Variants in EBF4 observed in about 807,000 individuals in gnomAD.
EBF4 encodes the protein transcription factor COE4.
In EBF4, 34 loss-of-function variants were observed where a neutral mutation model predicts 67.1. The ratio of observed to expected loss-of-function variants is 0.51; its 90% CI spans 0.39 to 0.67. The LOEUF (loss-of-function observed/expected upper bound fraction) is 0.67. EBF4 is among the 30% of genes least tolerant of loss of function. The pLI, the probability that EBF4 is intolerant of heterozygous loss-of-function variation, is 0.00. For synonymous variants in EBF4, 387 were observed against 377.7 expected (o/e 1.02, Z -0.29); for missense variants, 837 against 873.3 (o/e 0.96, Z 0.52).
In EBF4 at chr20:2,751,618, C is replaced by T; in HGVS notation, c.1019-82C>T. The stretch of plus-strand genomic sequence containing the variant: ...GCGAGGCTCTCGGACTGGGCGCTGG[C>T]CTGCTTTTGGCGCCCTGCGTCTCAC... On this transcript the variant is annotated intron_variant, in intron 10 of 16. Coordinates refer to ENST00000609451, the Ensembl canonical transcript of EBF4. The surrounding 1 kb of genome is among the most constrained non-coding windows in gnomAD (Gnocchi z 5.2). 1 of 1,426,190 alleles carries T rather than the reference C, an allele frequency of 7.0e-7. No individual in the cohort carries two copies. Among genetic ancestry groups the T allele is most frequent in the South Asian group, 1.2e-5 (1 of 81,370 alleles). 88.3% of individuals were successfully genotyped at this position (1,426,190 alleles called of 1,614,324 possible).
intron 6 of EBF4, among the ~76,000 whole-genome samples, chr20:2,724,711 C>T (rs1414164626): frequency 6.6e-6 from 1 of 152,080 alleles, no homozygotes; most frequent in Non-Finnish European, 1.5e-5. Flanking sequence ...TTGAGACCAG[C>T]CTGTGCAACA....
chr20:2,750,458 CCAGGGCGAGCAGTGAACA>C (rs1399193839), intron 10 of EBF4, among the ~76,000 whole-genome samples: 4 of 152,232 alleles, frequency 2.6e-5, no homozygotes, highest in African/African-American at 4.8e-5. Flanking sequence ...TTGCACGACG[CCAGGGCGAGCAGTGAACA>C]CACGTGGAGA....
At chr20:2,758,466 G>C (rs1187542418) in intron 15 of EBF4, among the ~76,000 whole-genome samples, 1 of 152,188 alleles carries the variant, frequency 6.6e-6, no homozygotes, top group Non-Finnish European at 1.5e-5. Context: ...CCAGCAAAGA[G>C]AACCATGGGA....
At position 2,751,868 on chromosome 20, in the gene EBF4, T is replaced by TGGTCGCCCCCAGGGGCTGCCCCTC. The variant is rs879438689; in HGVS notation, c.1108-53_1108-30dup. 6,523 of 1,547,696 alleles carry TGGTCGCCCCCAGGGGCTGCCCCTC rather than the reference T, an allele frequency of 4.2e-3. 51 individuals are homozygous for TGGTCGCCCCCAGGGGCTGCCCCTC. The highest frequency in any genetic ancestry group is 4.8e-3 in the Non-Finnish European group (5,474 of 1,145,550). ...TGAGGAGGGGCTCCCGAGGGCCCCT[T>TGGTCGCCCCCAGGGGCTGCCCCTC]GGTCGCCCCCAGGGGCTGCCCCTCC... On this transcript the variant is annotated intron_variant, in intron 11 of 16. Coordinates refer to ENST00000609451, the Ensembl canonical transcript of EBF4. The surrounding 1 kb of genome is among the most constrained non-coding windows in gnomAD (Gnocchi z 5.2).
chr20:2,751,073 GCA>G lies in EBF4; in HGVS notation c.1019-626_1019-625del, dbSNP rs1201214371. On this transcript the variant is annotated intron_variant, in intron 10 of 16. Coordinates refer to ENST00000609451, the Ensembl canonical transcript of EBF4. This position sits in a 1 kb window ranked among gnomAD's most constrained non-coding sequence, Gnocchi z 5.2. ...GGGCGTGGGGAGCTGGGTCAGACGC[GCA>G]TACACACACACACCCCTTGCACAAC... 1.3e-5 allele frequency among the ~76,000 whole-genome samples: 2 copies of G among 151,956 alleles called. No individual in the cohort carries two copies. The highest frequency in any genetic ancestry group is 2.9e-5 in the Non-Finnish European group (2 of 67,980).
chr20:2,713,273 A>G (rs1442759382), intron 6 of EBF4, among the ~76,000 whole-genome samples: 2 of 152,206 alleles, frequency 1.3e-5, no homozygotes, highest in Non-Finnish European at 2.9e-5. Context: ...CTGGGAGCAT[A>G]GACAGTTCAT....
At chr20:2,711,937 C>T (rs1479795935) in intron 6 of EBF4, among the ~76,000 whole-genome samples, 10 of 152,010 alleles carry the variant, frequency 6.6e-5, no homozygotes, top group African/African-American at 1.9e-4. Context: ...AGAGAGTGAG[C>T]GATGTATTTA....
intron 1 of EBF4, among the ~76,000 whole-genome samples, chr20:2,695,657 A>G (rs1224395430): frequency 6.7e-6 from 1 of 150,218 alleles, no homozygotes; most frequent in African/African-American, 2.5e-5. Context: ...CTTCCTCCCC[A>G]CTCTTCCCCG....
At chr20:2,712,891 A>G (rs2087562073) in intron 6 of EBF4, among the ~76,000 whole-genome samples, 1 of 152,180 alleles carries the variant, frequency 6.6e-6, no homozygotes, top group African/African-American at 2.4e-5. Context: ...ATGATAACAA[A>G]GACTAGGGAC....
intron 14 of EBF4, among the ~76,000 whole-genome samples, chr20:2,754,832 G>C (rs907057064): frequency 1.2e-4 from 18 of 152,146 alleles, no homozygotes; most frequent in Non-Finnish European, 2.6e-4. Context: ...CTGTGTGCAG[G>C]AGGCTCCCTT....
At chr20:2,758,114 A>C (rs1438051065) in intron 15 of EBF4, among the ~76,000 whole-genome samples, 1 of 152,270 alleles carries the variant, frequency 6.6e-6, no homozygotes, top group Non-Finnish European at 1.5e-5. Context: ...TGCTGGCTGC[A>C]AACTGCTTCT....
intron 6 of EBF4, among the ~76,000 whole-genome samples, chr20:2,746,690 T>C (rs188459905): frequency 6.6e-6 from 1 of 152,332 alleles, no homozygotes; most frequent in African/African-American, 2.4e-5. Flanking sequence ...TAAATGAACA[T>C]TCAAATTTGG....
chr20:2,720,584 A>T (rs1252442409), intron 6 of EBF4, among the ~76,000 whole-genome samples: 2 of 152,160 alleles, frequency 1.3e-5, no homozygotes, highest in Non-Finnish European at 2.9e-5. Flanking sequence ...ACCTTCAATT[A>T]TACCCCTTCT....
rs146921286 is a variant in EBF4 at position 2,713,858 on chromosome 20, G to A, written c.557+4216G>A. Among the ~76,000 whole-genome samples, 60 of 152,288 alleles carry A rather than the reference G, an allele frequency of 3.9e-4. 1 individual carries two copies. The highest frequency in any genetic ancestry group is 1.9e-3 in the East Asian group (10 of 5,190). ...TGGAGAATGGGTTGCCTGCAGATGG[G>A]ATTCAGGGTTGAATTGGTAATGCGT... On this transcript the variant is annotated intron_variant, in intron 6 of 16. Coordinates refer to ENST00000609451, the Ensembl canonical transcript of EBF4.
In EBF4 at chr20:2,751,773, C is replaced by G. The variant is rs754683303; in HGVS notation, c.1092C>G (p.Pro364=). ...TCATTCCCAGACACCCCGGAGACCC[C>G]GAGAGGCTGCCCAAGGTACTCAGAG... Residue 364 remains proline, a synonymous_variant, in exon 11 of 17, where the codon CCC becomes CCG. Coordinates refer to ENST00000609451, the Ensembl canonical transcript of EBF4. This position sits in a 1 kb window ranked among gnomAD's most constrained non-coding sequence, Gnocchi z 5.2. 2.7e-4 allele frequency: 422 copies of G among 1,541,260 alleles called. 1 individual carries two copies. The highest frequency in any genetic ancestry group is 3.3e-4 in the Non-Finnish European group (376 of 1,141,856).
chr20:2,702,865 C>G (rs1402083104), intron 1 of EBF4, among the ~76,000 whole-genome samples: 1 of 152,182 alleles, frequency 6.6e-6, no homozygotes, highest in Non-Finnish European at 1.5e-5. Flanking sequence ...ACACTGCACC[C>G]TCCTTTCCCC....
intron 6 of EBF4, among the ~76,000 whole-genome samples, chr20:2,732,020 G>A (rs1165279440): frequency 6.6e-6 from 1 of 152,110 alleles, no homozygotes; most frequent in Non-Finnish European, 1.5e-5. Flanking sequence ...GGGTATTGAA[G>A]TTGCCAGTTA....
chr20:2,758,086 G>A (rs2088273090), intron 15 of EBF4, among the ~76,000 whole-genome samples: 2 of 152,238 alleles, frequency 1.3e-5, no homozygotes, highest in Non-Finnish European at 2.9e-5. Context: ...AGTAAAACAA[G>A]GAGGGCTGGA....
Position 2,693,618 on chromosome 20 carries a change from CGG to C in EBF4, c.-24_-23del. Reference sequence around the variant, plus strand: ...CTCAGCGGGACCGGATCCGGGGCGGCGGGGGCGCTCACTCACCGCGCGCCCTC... The same window carrying C: ...CTCAGCGGGACCGGATCCGGGGCGGCGGGCGCTCACTCACCGCGCGCCCTC... On this transcript the variant is annotated 5_prime_UTR_variant, in exon 1 of 17. Transcript: ENST00000609451. This position sits in a 1 kb window ranked among gnomAD's most constrained non-coding sequence, Gnocchi z 4.6. 1 of 1,363,788 alleles carries C rather than the reference CGG, an allele frequency of 7.3e-7. No homozygotes were observed. Among genetic ancestry groups the C allele is most frequent in the Non-Finnish European group, 9.4e-7 (1 of 1,061,848 alleles). 84.5% of individuals were successfully genotyped at this position (1,363,788 alleles called of 1,614,324 possible). A position where few individuals can be genotyped will look rare whatever the true frequency, so the allele number is the denominator to read the frequency against.
Sources: allele counts gnomAD v4.1 joint callset (sites outside exome capture counted in the v4.1 genomes callset), GRCh38; gene constraint gnomAD v4.1.1; non-coding constraint Gnocchi (gnomAD v3.1); transcripts MANE v1.5; gene names NCBI Gene and HGNC (gene_info 2026-07-23, HGNC 2026-07-21).